Variants in SNX30 observed in about 807,000 individuals in gnomAD.
SNX30 encodes sorting nexin-30.
A neutral mutation model predicts 46.4 loss-of-function variants in SNX30; 24 were observed. That is an observed-to-expected ratio of 0.52 (90% CI 0.37 to 0.73). The LOEUF is 0.73. Ranked by LOEUF, SNX30 falls within the 30% of genes least tolerant of loss-of-function variation. The pLI is 0.00. For missense variants in SNX30, 533 were observed against 555.7 expected (o/e 0.96, Z 0.41); for synonymous variants, 189 against 211.5 (o/e 0.89, Z 0.92).
chr9:112,762,668 A>G (rs1217119462), intron 1 of SNX30, among the ~76,000 whole-genome samples: 2 of 152,220 alleles, frequency 1.3e-5, no homozygotes, highest in Non-Finnish European at 1.5e-5. Flanking sequence ...AGCAGTGCTA[A>G]GTCTTGTCGT....
At chr9:112,830,937 T>C (rs1319286735) in intron 4 of SNX30, 54 bp downstream of exon 4, 28 of 1,528,474 alleles carry the variant, frequency 1.8e-5, no homozygotes, top group Non-Finnish European at 2.3e-5. Flanking sequence ...TTGGGGCTCT[T>C]TCCTAAAAGC....
intron 1 of SNX30, among the ~76,000 whole-genome samples, chr9:112,790,869 C>T (rs529179167): frequency 6.6e-6 from 1 of 152,284 alleles, no homozygotes; most frequent in Non-Finnish European, 1.5e-5. Flanking sequence ...TTGCCATGAA[C>T]TCATGTGGCA....
At chr9:112,791,388 A>T (rs1466935714) in intron 1 of SNX30, among the ~76,000 whole-genome samples, 1 of 113,190 alleles carries the variant, frequency 8.8e-6, no homozygotes, top group African/African-American at 3.3e-5. Context: ...ACTTTTAAAC[A>T]TATTTAGGAA....
intron 6 of SNX30, among the ~76,000 whole-genome samples, chr9:112,844,633 T>C (rs1482347710): frequency 6.6e-6 from 1 of 152,144 alleles, no homozygotes; most frequent in Non-Finnish European, 1.5e-5. Flanking sequence ...CCAAGATAAA[T>C]GTTTTAAGAA....
intron 1 of SNX30, among the ~76,000 whole-genome samples, chr9:112,794,384 C>T (rs1282130011): frequency 1.3e-5 from 2 of 152,158 alleles, no homozygotes; most frequent in Non-Finnish European, 2.9e-5. Flanking sequence ...AACTCCTGAC[C>T]TCGTGATCCA....
At position 112,840,936 on chromosome 9, in the gene SNX30, C is replaced by T. The variant is rs538409637; in HGVS notation, c.1014+2239C>T. ...CTGGGACCACAGGTGCCCCCCACCA[C>T]GCCTGGCTAATTTTTTGTATTTTTT... On this transcript the variant is annotated intron_variant, in intron 6 of 8. Coordinates refer to ENST00000374232, the MANE Select transcript of SNX30 (RefSeq NM_001012994.2). Among the ~76,000 whole-genome samples, 13 of 151,622 alleles carry T rather than the reference C, an allele frequency of 8.6e-5. No individual in the cohort carries two copies. In the East Asian group the frequency reaches 9.7e-4, roughly 11 times the overall value.
chr9:112,755,308 G>T (rs561918542), intron 1 of SNX30, among the ~76,000 whole-genome samples: 1 of 152,314 alleles, frequency 6.6e-6, no homozygotes, highest in African/African-American at 2.4e-5. Context: ...GGGAGGGACT[G>T]CCTGAAGCAG....
chr9:112,834,947 G>A (rs1161595701), intron 4 of SNX30, among the ~76,000 whole-genome samples: 2 of 150,984 alleles, frequency 1.3e-5, no homozygotes, highest in Non-Finnish European at 2.9e-5. Flanking sequence ...AAGCGAAGAA[G>A]GAAGTGAATT....
At chr9:112,783,011 C>G (rs1285002224) in intron 1 of SNX30, among the ~76,000 whole-genome samples, 1 of 152,180 alleles carries the variant, frequency 6.6e-6, no homozygotes, top group Non-Finnish European at 1.5e-5. Context: ...CTCTTCAGCT[C>G]CCTTGAGAAG....
intron 7 of SNX30, among the ~76,000 whole-genome samples, chr9:112,853,036 C>G (rs775332545): frequency 6.6e-6 from 1 of 152,194 alleles, no homozygotes; most frequent in Non-Finnish European, 1.5e-5. Context: ...AGGCATTGTT[C>G]TTTCCCCGTT....
chr9:112,881,515 G>C (rs4978510), exon 6 of SNX30: 141,257 of 152,486 alleles, frequency 0.93, 65,534 homozygotes, highest in East Asian at 1. Context: ...TACAGCACAG[G>C]CACAAGGCGA....
At chr9:112,852,419 C>T (rs968467913) in intron 7 of SNX30, among the ~76,000 whole-genome samples, 5 of 152,116 alleles carry the variant, frequency 3.3e-5, no homozygotes, top group African/African-American at 1.2e-4. Context: ...TATGTAAACA[C>T]TACATGATTT....
chr9:112,795,740 TCACA>T (rs1165537364), intron 1 of SNX30, among the ~76,000 whole-genome samples: 2 of 132,644 alleles, frequency 1.5e-5, no homozygotes, highest in South Asian at 2.4e-4. Context: ...AGAAAGATAA[TCACA>T]CACACACACT....
intron 1 of SNX30, among the ~76,000 whole-genome samples, chr9:112,781,942 C>T (rs923298336): frequency 9.9e-5 from 15 of 151,984 alleles, no homozygotes; most frequent in African/African-American, 3.6e-4. Context: ...GCGCCCCGCC[C>T]ACCATTAGTT....
At chr9:112,764,183 C>A (rs1400280927) in intron 1 of SNX30, among the ~76,000 whole-genome samples, 1 of 152,086 alleles carries the variant, frequency 6.6e-6, no homozygotes, top group South Asian at 2.1e-4. Flanking sequence ...TACAAATGGA[C>A]AGAAGGAAGA....
chr9:112,878,210 A>G (rs2131532870), downstream of SNX30: 1 of 152,394 alleles, frequency 6.6e-6, no homozygotes, highest in Non-Finnish European at 1.5e-5. Context: ...TTTACTCTGA[A>G]GAGAAACATC....
intron 1 of SNX30, among the ~76,000 whole-genome samples, chr9:112,756,435 CTTTTTTTTTTT>C (rs61338659): frequency 8.9e-5 from 6 of 67,428 alleles, no homozygotes; most frequent in Admixed American, 2.0e-4. Context: ...TGTAATCATC[CTTTTTTTTTTT>C]TTTTTTTTTT....
intron 3 of SNX30, among the ~76,000 whole-genome samples, chr9:112,820,517 C>T (rs577192934): frequency 7.2e-5 from 11 of 152,248 alleles, no homozygotes; most frequent in Admixed American, 7.2e-4. Context: ...ATGTTCATTT[C>T]CCTTTTTAAG....
At chr9:112,827,892 A>G (rs544086525) in intron 3 of SNX30, among the ~76,000 whole-genome samples, 1 of 152,186 alleles carries the variant, frequency 6.6e-6, no homozygotes, top group Non-Finnish European at 1.5e-5. Context: ...TGCTTGGCCA[A>G]CGTTGTCTTG....
Sources: allele counts gnomAD v4.1 joint callset (sites outside exome capture counted in the v4.1 genomes callset), GRCh38; gene constraint gnomAD v4.1.1; transcripts MANE v1.5; gene names NCBI Gene and HGNC (gene_info 2026-07-23, HGNC 2026-07-21).